TMEM117: variants seen among roughly 807,000 people sequenced by gnomAD.
The protein encoded by TMEM117 is transmembrane protein 117.
Under a neutral mutation model 52.4 loss-of-function variants are expected in TMEM117, and 27 were observed. The ratio of observed to expected loss-of-function variants is 0.51; its 90% CI spans 0.38 to 0.71. The LOEUF (loss-of-function observed/expected upper bound fraction) is 0.71. Among genes scored for constraint, TMEM117 ranks in the 30% least tolerant of loss-of-function variants. The pLI is 0.00. For missense variants in TMEM117, 556 were observed against 630.5 expected (o/e 0.88, Z 1.26); for synonymous variants, 215 against 206.3 (o/e 1.04, Z -0.36).
At chr12:44,273,922 G>A (rs1950480552) in intron 5 of TMEM117, among the ~76,000 whole-genome samples, 1 of 152,098 alleles carries the variant, frequency 6.6e-6, no homozygotes, top group Non-Finnish European at 1.5e-5. Flanking sequence ...TGACAAGAAT[G>A]CCCACTTTCA....
chr12:43,892,237 A>C (rs1418125010), intron 2 of TMEM117, among the ~76,000 whole-genome samples: 1 of 152,190 alleles, frequency 6.6e-6, no homozygotes, highest in Admixed American at 6.5e-5. Flanking sequence ...AACTTCCAGA[A>C]TTGTTTCCCA....
intron 5 of TMEM117, among the ~76,000 whole-genome samples, chr12:44,257,180 G>A (rs1295913041): frequency 6.6e-6 from 1 of 151,682 alleles, no homozygotes; most frequent in African/African-American, 2.4e-5. Context: ...AGGAGAAGTT[G>A]CACACCCATG....
At chr12:44,248,056 A>C (rs1218508056) in intron 5 of TMEM117, among the ~76,000 whole-genome samples, 2 of 152,206 alleles carry the variant, frequency 1.3e-5, no homozygotes, top group African/African-American at 2.4e-5. Flanking sequence ...GTTCTGACTC[A>C]GAAGCCAAGT....
At chr12:44,129,557 C>T (rs1375013738) in intron 3 of TMEM117, among the ~76,000 whole-genome samples, 1 of 152,138 alleles carries the variant, frequency 6.6e-6, no homozygotes, top group African/African-American at 2.4e-5. Flanking sequence ...TCATGGAACC[C>T]AGGGAACATT....
In TMEM117 at chr12:44,376,709, C is replaced by G. The variant is rs374363875; in HGVS notation, c.883C>G (p.Arg295Gly). The G allele has an allele frequency of 6.8e-6, 11 of 1,608,980 alleles. No individual in the cohort carries two copies. The South Asian group carries it at 1.2e-4, about 18-fold the overall frequency. ...CCAGAAAATCTTCAAGGAGGAATAT[C>G]GTATTCACATAACAGGTGTGTTATA... ...FFQKIFKEEY[R>G]IHITGKWFNY... The change falls in exon 7 of 8, where the codon CGT (arginine) becomes GGT (glycine). Residue 295 changes from arginine to glycine, a missense_variant. Coordinates refer to ENST00000266534, the MANE Select transcript of TMEM117 (RefSeq NM_032256.3).
At chr12:43,806,482 G>A in the TMEM117 span, 1 of 835,852 alleles carries the variant, frequency 1.2e-6, no homozygotes, top group Admixed American at 5.2e-5. Context: ...TCTGCTTGGG[G>A]TCCTGCTTCT....
chr12:43,820,140 C>G, the TMEM117 span, among the ~76,000 whole-genome samples: 1 of 148,116 alleles, frequency 6.8e-6, no homozygotes, highest in Non-Finnish European at 1.5e-5. Context: ...TTTGTTTTTG[C>G]CAAGTGGAGT....
chr12:43,857,968 C>T (rs1303525928), intron 2 of TMEM117, among the ~76,000 whole-genome samples: 1 of 152,062 alleles, frequency 6.6e-6, no homozygotes, highest in African/African-American at 2.4e-5. Context: ...TGGATAGAAG[C>T]ACGGGTCAAA....
intron 4 of TMEM117, among the ~76,000 whole-genome samples, chr12:44,185,921 C>G (rs1949272189): frequency 1.3e-5 from 2 of 150,734 alleles, no homozygotes; most frequent in Non-Finnish European, 3.0e-5. Context: ...CACACGTGCT[C>G]CTACTTTCTT....
intron 3 of TMEM117, among the ~76,000 whole-genome samples, chr12:44,050,401 GC>G (rs1565807645): frequency 6.6e-6 from 1 of 151,962 alleles, no homozygotes; most frequent in African/African-American, 2.4e-5. Context: ...GGTCTCGAAC[GC>G]CTGACCTCAC....
At chr12:44,004,513 A>G (rs1202651121) in intron 3 of TMEM117, among the ~76,000 whole-genome samples, 1 of 152,152 alleles carries the variant, frequency 6.6e-6, no homozygotes, top group Non-Finnish European at 1.5e-5. Flanking sequence ...TCAAGGGCAT[A>G]ATCTCAGATC....
At chr12:44,362,197 C>T (rs1200042750) in intron 6 of TMEM117, among the ~76,000 whole-genome samples, 1 of 152,012 alleles carries the variant, frequency 6.6e-6, no homozygotes, top group East Asian at 1.9e-4. Flanking sequence ...TTTTACCTGT[C>T]ACTCCCACCA....
chr12:44,173,076 GTTTTGTT>G (rs1033833033), intron 4 of TMEM117, among the ~76,000 whole-genome samples: 2 of 151,864 alleles, frequency 1.3e-5, no homozygotes, highest in African/African-American at 4.8e-5. Context: ...GCTTGTTTTT[GTTTTGTT>G]TTTTGTTTTT....
intron 3 of TMEM117, among the ~76,000 whole-genome samples, chr12:44,032,635 T>G (rs1946650297): frequency 6.6e-6 from 1 of 152,242 alleles, no homozygotes; most frequent in Non-Finnish European, 1.5e-5. Context: ...TGTTGTATTC[T>G]TGGTGTAGGA....
At chr12:44,034,244 A>C (rs1365302649) in intron 3 of TMEM117, among the ~76,000 whole-genome samples, 1 of 152,184 alleles carries the variant, frequency 6.6e-6, no homozygotes, top group African/African-American at 2.4e-5. Context: ...AGCTACAACA[A>C]ACATCCTTTT....
chr12:43,907,436 C>T (rs964587233), intron 2 of TMEM117, among the ~76,000 whole-genome samples: 78 of 151,374 alleles, frequency 5.2e-4, no homozygotes, highest in Middle Eastern at 3.4e-3. Context: ...AAAAGCGGAG[C>T]GCCTCTCCTC....
chr12:43,898,037 C>T (rs1019501774), intron 2 of TMEM117, among the ~76,000 whole-genome samples: 2 of 138,786 alleles, frequency 1.4e-5, no homozygotes, highest in African/African-American at 6.3e-5. Flanking sequence ...CGCACACACA[C>T]ACACACGCAC....
chr12:43,871,240 T>A (rs2137427520), intron 2 of TMEM117, among the ~76,000 whole-genome samples: 1 of 152,114 alleles, frequency 6.6e-6, no homozygotes, highest in Admixed American at 6.5e-5. Context: ...GTAGCTGGGA[T>A]TACAGGCGTG....
At chr12:44,184,413 A>T (rs544763638) in intron 4 of TMEM117, among the ~76,000 whole-genome samples, 1 of 152,296 alleles carries the variant, frequency 6.6e-6, no homozygotes, top group African/African-American at 2.4e-5. Context: ...CTGTGATCAC[A>T]TAAGCCCTGA....
Sources: gnomAD v4.1 joint callset for allele counts (sites outside exome capture counted in the v4.1 genomes callset) on GRCh38, gnomAD v4.1.1 for gene constraint, MANE v1.5 for transcripts, NCBI Gene and HGNC (gene_info 2026-07-23, HGNC 2026-07-21) for gene names.